The following ANXA10 variants were observed in gnomAD, a reference collection of about 807,000 sequenced individuals.
ANXA10 encodes the protein annexin A10.
Under a neutral mutation model 53.5 loss-of-function variants are expected in ANXA10, and 49 were observed. The ratio of observed to expected loss-of-function variants is 0.92; its 90% CI spans 0.73 to 1.16. The LOEUF is 1.16. Ranked by LOEUF, ANXA10 falls within the 50% of genes most tolerant of loss-of-function variation. The pLI, the probability that ANXA10 is intolerant of heterozygous loss-of-function variation, is 0.00. For synonymous variants in ANXA10, 131 were observed against 128.9 expected, an observed-to-expected ratio of 1.02 and a Z score of -0.11; for missense variants, 393 against 394.4, an observed-to-expected ratio of 1.00 and a Z score of 0.03.
chr4:168,115,497 GCACACACACACACACACACA>G (rs67627035), intron 1 of ANXA10, among the ~76,000 whole-genome samples: 7 of 136,428 alleles, frequency 5.1e-5, no homozygotes, highest in Non-Finnish European at 1.1e-4. Context: ...CAATACACAC[GCACACACACACACACACACA>G]CACACACACA....
chr4:168,155,512 A>AT lies in ANXA10; in HGVS notation c.196-7016_196-7015insT, dbSNP rs1359356740. Reference sequence around the variant, plus strand: ...TATAATATATAATTATATATTATAAAATATATAATTATATAATATATAATT... The same window carrying AT: ...TATAATATATAATTATATATTATAAATATATATAATTATATAATATATAATT... On this transcript the variant is annotated intron_variant, in intron 3 of 11. Transcript: ENST00000359299. Among the ~76,000 whole-genome samples, 2 of 11,190 alleles carry AT rather than the reference A, an allele frequency of 1.8e-4. 1 individual carries two copies. The highest frequency in any genetic ancestry group is 1.5e-3 in the African/African-American group (2 of 1,302). The allele number at this position is 11,190 out of a possible 152,430, so 7.3% of individuals were successfully genotyped here.
chr4:168,097,888 A>C (rs1730577520), intron 1 of ANXA10, among the ~76,000 whole-genome samples: 1 of 152,138 alleles, frequency 6.6e-6, no homozygotes, highest in Non-Finnish European at 1.5e-5. Context: ...GAAAGTTCTT[A>C]ATTTATAATA....
At chr4:168,166,133 CAGAAA>C (rs1415457543) in intron 6 of ANXA10, among the ~76,000 whole-genome samples, 1 of 152,114 alleles carries the variant, frequency 6.6e-6, no homozygotes, top group Non-Finnish European at 1.5e-5. Flanking sequence ...ATAAGTACTT[CAGAAA>C]AGAATAGAGA....
At chr4:168,155,557 A>C (rs1578921369) in intron 3 of ANXA10, among the ~76,000 whole-genome samples, 1 of 62,898 alleles carries the variant, frequency 1.6e-5, no homozygotes, top group Non-Finnish European at 2.7e-5. Context: ...AAAATATATA[A>C]TTATATAATA....
intron 2 of ANXA10, among the ~76,000 whole-genome samples, chr4:168,132,752 C>T (rs546077563): frequency 6.6e-6 from 1 of 151,880 alleles, no homozygotes; most frequent in Admixed American, 6.6e-5. Context: ...AATATATATA[C>T]CTATTATGTA....
At chr4:168,150,910 G>A (rs1043454374) in intron 3 of ANXA10, among the ~76,000 whole-genome samples, 5 of 152,140 alleles carry the variant, frequency 3.3e-5, no homozygotes, top group Admixed American at 1.3e-4. Flanking sequence ...TATCAGGGGT[G>A]GAGTAAGTCT....
chr4:168,100,072 A>G (rs1194109244), intron 1 of ANXA10, among the ~76,000 whole-genome samples: 1 of 152,148 alleles, frequency 6.6e-6, no homozygotes, highest in Non-Finnish European at 1.5e-5. Flanking sequence ...AAATTCATGT[A>G]ATCTAGAATC....
chr4:168,121,219 C>T (rs931377840), intron 1 of ANXA10, among the ~76,000 whole-genome samples: 1 of 147,856 alleles, frequency 6.8e-6, no homozygotes. Flanking sequence ...CACCAAAAAA[C>T]ACACACACAC....
Position 168,178,223 on chromosome 4 carries a change from C to A in ANXA10, c.628+240C>A, listed in dbSNP as rs1732171136. 2.1e-5 allele frequency: 10 copies of A among 483,854 alleles called. 1 individual carries two copies. In the South Asian group the frequency reaches 2.4e-4, roughly 12 times the overall value. 30.0% of individuals were successfully genotyped at this position (483,854 alleles called of 1,614,324 possible). A position where few individuals can be genotyped will look rare whatever the true frequency, so the allele number is the denominator to read the frequency against. On this transcript the variant is annotated intron_variant, in intron 8 of 11. Transcript: ENST00000359299. ...AAAAACTGAGCATTTTAAAAATAAT[C>A]TCTGTATTTGATGGAGTACTTATTC...
chr4:168,114,091 TA>T (rs1349191050), intron 1 of ANXA10, among the ~76,000 whole-genome samples: 1 of 152,248 alleles, frequency 6.6e-6, no homozygotes, highest in Non-Finnish European at 1.5e-5. Flanking sequence ...ATAACCTAAA[TA>T]GGTCTAAATA....
intron 6 of ANXA10, among the ~76,000 whole-genome samples, chr4:168,171,375 A>G (rs1731984106): frequency 6.6e-6 from 1 of 152,094 alleles, no homozygotes; most frequent in South Asian, 2.1e-4. Flanking sequence ...CCTTCTTTCA[A>G]TTCCTTTCCA....
At chr4:168,177,169 A>T (rs952146567) in intron 6 of ANXA10, among the ~76,000 whole-genome samples, 2 of 152,134 alleles carry the variant, frequency 1.3e-5, no homozygotes, top group Non-Finnish European at 2.9e-5. Context: ...CATAACCCTC[A>T]GGAATCAATG....
At chr4:168,109,076 C>T (rs1458541842) in intron 1 of ANXA10, among the ~76,000 whole-genome samples, 1 of 152,162 alleles carries the variant, frequency 6.6e-6, no homozygotes, top group Non-Finnish European at 1.5e-5. Context: ...AGGTTACAGC[C>T]TCAGTGAAAA....
chr4:168,127,583 A>C (rs1297480294), intron 1 of ANXA10, among the ~76,000 whole-genome samples: 1 of 152,032 alleles, frequency 6.6e-6, no homozygotes, highest in East Asian at 1.9e-4. Context: ...ATATATTATT[A>C]ATTTGATTCT....
At chr4:168,099,141 G>A (rs971610514) in intron 1 of ANXA10, among the ~76,000 whole-genome samples, 1 of 152,076 alleles carries the variant, frequency 6.6e-6, no homozygotes, top group Non-Finnish European at 1.5e-5. Context: ...ATTAGTAATC[G>A]TTTTAAAATA....
chr4:168,153,429 A>AC (rs1731533302), intron 3 of ANXA10, among the ~76,000 whole-genome samples: 1 of 58,694 alleles, frequency 1.7e-5, no homozygotes, highest in African/African-American at 6.8e-5. Flanking sequence ...AAGCAAAAAA[A>AC]AAAAAAAAAA....
chr4:168,133,545 G>T (rs559736821), intron 2 of ANXA10, among the ~76,000 whole-genome samples: 88 of 152,056 alleles, frequency 5.8e-4, no homozygotes, highest in African/African-American at 1.9e-3. Flanking sequence ...TAGATCAGGA[G>T]GCTACAGAAG....
intron 3 of ANXA10, among the ~76,000 whole-genome samples, chr4:168,151,732 T>C (rs1303840754): frequency 1.3e-5 from 2 of 152,246 alleles, no homozygotes; most frequent in Admixed American, 1.3e-4. Context: ...TTAAACATGT[T>C]ATTCGATATT....
chr4:168,129,926 A>C (rs1478969844), intron 2 of ANXA10, among the ~76,000 whole-genome samples: 1 of 152,178 alleles, frequency 6.6e-6, no homozygotes, highest in Non-Finnish European at 1.5e-5. Context: ...TGTAATTGCT[A>C]GGTCAGCCCT....
Sources: allele counts gnomAD v4.1 joint callset (sites outside exome capture counted in the v4.1 genomes callset), GRCh38; gene constraint gnomAD v4.1.1; transcripts MANE v1.5; gene names NCBI Gene and HGNC (gene_info 2026-07-23, HGNC 2026-07-21).